Variants in TMEM132D observed in about 807,000 individuals in gnomAD.
TMEM132D encodes mature OL transmembrane protein.
A neutral mutation model predicts 62.3 loss-of-function variants in TMEM132D; 21 were observed. The observed-to-expected ratio is 0.34, with a 90% confidence interval of 0.24 to 0.49. TMEM132D has a LOEUF of 0.49. Among genes scored for constraint, TMEM132D ranks in the 20% least tolerant of loss-of-function variants. TMEM132D has a pLI of 0.99. For missense variants in TMEM132D, 1,346 were observed against 1,402.8 expected (o/e 0.96, Z 0.65); for synonymous variants, 621 against 575.6 (o/e 1.08, Z -1.13).
chr12:129,433,241 C>A (rs958031491), intron 3 of TMEM132D, among the ~76,000 whole-genome samples: 2 of 152,092 alleles, frequency 1.3e-5, no homozygotes, highest in Non-Finnish European at 2.9e-5. Flanking sequence ...CTTTGGTAAA[C>A]AAACATACAC....
At chr12:129,240,875 T>C (rs1440199984) in intron 4 of TMEM132D, among the ~76,000 whole-genome samples, 1 of 152,164 alleles carries the variant, frequency 6.6e-6, no homozygotes, top group Non-Finnish European at 1.5e-5. Context: ...GCCTGAGGCT[T>C]CTGAGACATC....
intron 2 of TMEM132D, among the ~76,000 whole-genome samples, chr12:129,571,229 C>T (rs1434484435): frequency 6.6e-6 from 1 of 152,040 alleles, no homozygotes; most frequent in Non-Finnish European, 1.5e-5. Flanking sequence ...TCTATGAATG[C>T]TAGGAGTTAT....
At chr12:129,085,685 T>A (rs924573015) in intron 5 of TMEM132D, 1 of 151,844 alleles carries the variant, frequency 6.6e-6, no homozygotes, top group Admixed American at 6.5e-5. Context: ...CCGGCAGGAG[T>A]GGGGGAGCCT....
intron 3 of TMEM132D, among the ~76,000 whole-genome samples, chr12:129,354,887 A>G (rs1361797647): frequency 6.6e-6 from 1 of 152,234 alleles, no homozygotes; most frequent in Non-Finnish European, 1.5e-5. Context: ...AAGAACATGC[A>G]TGCTTATAAG....
chr12:129,828,738 A>AGGAG (rs369280835), intron 1 of TMEM132D, among the ~76,000 whole-genome samples: 80 of 7,028 alleles, frequency 0.011, no homozygotes, highest in African/African-American at 0.02. Context: ...GAGGGAGGAA[A>AGGAG]GGAGGGAGGG....
chr12:129,641,948 G>T (rs1593101566), intron 2 of TMEM132D, among the ~76,000 whole-genome samples: 1 of 152,234 alleles, frequency 6.6e-6, no homozygotes, highest in South Asian at 2.1e-4. Flanking sequence ...GTTATATCAT[G>T]CAAATTTTCC....
chr12:129,504,749 C>A lies in TMEM132D; in HGVS notation c.1115+26310G>T, dbSNP rs925719404. On this transcript the variant is annotated intron_variant, in intron 3 of 8. Transcript: ENST00000422113. The stretch of plus-strand genomic sequence containing the variant: ...TGCTCTGATCTTGGTTATTTCCTTT[C>A]TTCTGCTGGGTTTGGGTTTGTTCTT... Among the ~76,000 whole-genome samples the A allele has an allele frequency of 3.3e-5, 5 of 151,926 alleles. No homozygotes were observed. The South Asian group carries it at 1.0e-3, about 32-fold the overall frequency.
rs553357575 is a variant in TMEM132D, at chr12:129,846,684, T to G, written c.79+56577A>C. Among the ~76,000 whole-genome samples the G allele has an allele frequency of 6.6e-5, 10 of 152,338 alleles. 2 individuals are homozygous for G. In the South Asian group the frequency reaches 1.9e-3, roughly 28 times the overall value. ...TGTTTCTCTCTTTCATCTTTGCTCT[T>G]GAGAATATATTCTCCTGACCTGTAT... On this transcript the variant is annotated intron_variant, in intron 1 of 8. Transcript: ENST00000422113.
At chr12:129,797,333 T>C (rs953421805) in intron 1 of TMEM132D, among the ~76,000 whole-genome samples, 1 of 152,222 alleles carries the variant, frequency 6.6e-6, no homozygotes, top group African/African-American at 2.4e-5. Flanking sequence ...TTCCACTGTA[T>C]AGCAGTTTTT....
At chr12:129,722,735 TTTTTTTC>T (rs1868883699) in intron 1 of TMEM132D, among the ~76,000 whole-genome samples, 1 of 35,856 alleles carries the variant, frequency 2.8e-5, no homozygotes, top group African/African-American at 6.3e-5. Context: ...CTCCTTTTTC[TTTTTTTC>T]TTTTTTTTTT....
At chr12:129,841,268 A>G (rs1349740159) in intron 1 of TMEM132D, among the ~76,000 whole-genome samples, 1 of 152,186 alleles carries the variant, frequency 6.6e-6, no homozygotes, top group Non-Finnish European at 1.5e-5. Flanking sequence ...AAAGGAAGAA[A>G]GAAAAGATTC....
intron 1 of TMEM132D, among the ~76,000 whole-genome samples, chr12:129,768,979 A>G (rs1870642738): frequency 6.6e-6 from 1 of 152,228 alleles, no homozygotes; most frequent in South Asian, 2.1e-4. Flanking sequence ...ATTATCCTTG[A>G]AAAGCTCCTC....
At chr12:129,132,273 C>G (rs1055517910) in intron 5 of TMEM132D, among the ~76,000 whole-genome samples, 2 of 152,142 alleles carry the variant, frequency 1.3e-5, no homozygotes, top group Non-Finnish European at 2.9e-5. Context: ...TTCCTAAATA[C>G]ATAAGGAAGA....
intron 1 of TMEM132D, among the ~76,000 whole-genome samples, chr12:129,869,755 AT>A (rs1309230458): frequency 6.6e-6 from 1 of 152,102 alleles, no homozygotes; most frequent in Non-Finnish European, 1.5e-5. Context: ...TCAAGTGGAG[AT>A]TTACGTAAGA....
In TMEM132D at chr12:129,074,465, T is replaced by C; in HGVS notation, c.2710A>G (p.Asn904Asp). 6.2e-7 allele frequency: 1 copy of C among 1,614,168 alleles called. No individual in the cohort carries two copies. Among genetic ancestry groups the C allele is most frequent in the Non-Finnish European group, 8.5e-7 (1 of 1,180,048 alleles). Residue 904 changes from asparagine (N) to aspartate (D), a missense_variant, in exon 9 of 9, where the codon AAT becomes GAT. Physicochemically the swap from Asn to Asp is conservative, Grantham distance 23 (BLOSUM62 1). Transcript: ENST00000422113. The part of the protein sequence containing the change: ...LPRSNGEMDG[N>D]DLMQASKGLS... ...CCTTTGGATGCCTGCATAAGGTCAT[T>C]CCCATCCATTTCCCCATTGCTTCTG...
chr12:129,743,501 C>G (rs1869673903), intron 1 of TMEM132D, among the ~76,000 whole-genome samples: 1 of 152,164 alleles, frequency 6.6e-6, no homozygotes, highest in South Asian at 2.1e-4. Flanking sequence ...TTGTAAGTTT[C>G]CTGAGGCCTC....
intron 1 of TMEM132D, among the ~76,000 whole-genome samples, chr12:129,873,761 T>C (rs1874329179): frequency 6.6e-6 from 1 of 151,540 alleles, no homozygotes; most frequent in African/African-American, 2.4e-5. Context: ...TTCATTTTTG[T>C]GGTTAAAAAA....
Position 129,525,232 on chromosome 12 carries a change from T to G in TMEM132D, c.1115+5827A>C, listed in dbSNP as rs1485062896. Reference sequence around the variant, plus strand: ...GAGCCACGGTGCCCAGCCGGTTTTTTTTTTTTTTTTTTTTTTTTTTTTTGC... The same window carrying G: ...GAGCCACGGTGCCCAGCCGGTTTTTGTTTTTTTTTTTTTTTTTTTTTTTGC... On this transcript the variant is annotated intron_variant, in intron 3 of 8. Transcript: ENST00000422113. Among the ~76,000 whole-genome samples the G allele has an allele frequency of 6.8e-4, 87 of 127,682 alleles. 9 individuals are homozygous for G. The highest frequency in any genetic ancestry group is 9.3e-4 in the African/African-American group (28 of 29,968). 83.8% of individuals were successfully genotyped at this position (127,682 alleles called of 152,430 possible).
chr12:129,337,441 G>GCACACA (rs34583805), intron 4 of TMEM132D, among the ~76,000 whole-genome samples, 193 bp downstream of exon 4: 4,300 of 148,166 alleles, frequency 0.029, 156 homozygotes, highest in African/African-American at 0.086. Flanking sequence ...ATACACACAC[G>GCACACA]CACACACACA....
Sources: gnomAD v4.1 joint callset for allele counts (sites outside exome capture counted in the v4.1 genomes callset) on GRCh38, gnomAD v4.1.1 for gene constraint, MANE v1.5 for transcripts, NCBI Gene and HGNC (gene_info 2026-07-23, HGNC 2026-07-21) for gene names.